Variants in SEMA3C observed in about 807,000 individuals in gnomAD.
SEMA3C encodes the protein semaphorin 3C.
SEMA3C carries 47 observed loss-of-function variants against 89.4 expected under a neutral mutation model. That is an observed-to-expected ratio of 0.53 (90% CI 0.42 to 0.67). The LOEUF (loss-of-function observed/expected upper bound fraction) is 0.67. Among genes scored for constraint, SEMA3C ranks in the 30% least tolerant of loss-of-function variants. The probability of loss-of-function intolerance (pLI) is 0.00; values close to 1 mark genes in which losing one functional copy is unlikely to be tolerated. For missense variants in SEMA3C, 839 were observed against 929.1 expected (o/e 0.90, Z 1.26); for synonymous variants, 310 against 320.2 (o/e 0.97, Z 0.34).
chr7:80,845,228 T>G (rs192689362), intron 2 of SEMA3C, among the ~76,000 whole-genome samples: 149 of 152,234 alleles, frequency 9.8e-4, no homozygotes, highest in African/African-American at 3.5e-3. Flanking sequence ...GACAGGAAAT[T>G]TGGAAATGGG....
intron 4 of SEMA3C, among the ~76,000 whole-genome samples, chr7:80,821,038 A>G (rs1355254071): frequency 6.6e-6 from 1 of 152,222 alleles, no homozygotes; most frequent in Non-Finnish European, 1.5e-5. Flanking sequence ...AATGCCAACT[A>G]TACTCATTTC....
At chr7:80,784,242 CCTG>C (rs1788751480) in intron 12 of SEMA3C, among the ~76,000 whole-genome samples, 2 of 151,152 alleles carry the variant, frequency 1.3e-5, no homozygotes. Context: ...AGAACCCTTG[CCTG>C]CTGTTTTATA....
At chr7:80,824,085 T>C (rs1789816231) in intron 4 of SEMA3C, among the ~76,000 whole-genome samples, 1 of 152,170 alleles carries the variant, frequency 6.6e-6, no homozygotes, top group African/African-American at 2.4e-5. Flanking sequence ...ATAATTGTTA[T>C]CTTGTTATAA....
chr7:80,889,276 G>T, intron 2 of SEMA3C, among the ~76,000 whole-genome samples: 1 of 152,302 alleles, frequency 6.6e-6, no homozygotes, highest in Middle Eastern at 3.4e-3. Flanking sequence ...TATAATAAAT[G>T]TAAAGATTGT....
At chr7:80,795,641 T>G (rs951689072) in intron 11 of SEMA3C, among the ~76,000 whole-genome samples, 2 of 152,196 alleles carry the variant, frequency 1.3e-5, no homozygotes, top group African/African-American at 4.8e-5. Flanking sequence ...TAAAAAGGGT[T>G]TAGTATTCCT....
chr7:80,780,971 G>A (rs1024032760), intron 12 of SEMA3C, among the ~76,000 whole-genome samples: 1 of 151,974 alleles, frequency 6.6e-6, no homozygotes, highest in Non-Finnish European at 1.5e-5. Flanking sequence ...ATTTTGAGAG[G>A]GTTCCTTTCT....
At position 80,802,808 on chromosome 7, in the gene SEMA3C, A is replaced by T. The variant is rs759820444; in HGVS notation, c.802-29T>A. On this transcript the variant is annotated intron_variant, in intron 8 of 17. Transcript: ENST00000265361. Reference sequence around the variant, plus strand: ...AAACCATTTTGTAAACATAATTCAGATTGCTTAAGTAAATATTGAAGCACA... The same window carrying T: ...AAACCATTTTGTAAACATAATTCAGTTTGCTTAAGTAAATATTGAAGCACA... The T allele has an allele frequency of 7.7e-5, 118 of 1,524,640 alleles. 1 individual carries two copies. Among genetic ancestry groups the T allele is most frequent in the Middle Eastern group, 5.1e-4 (3 of 5,882 alleles). 94.4% of individuals were successfully genotyped at this position (1,524,640 alleles called of 1,614,324 possible). A position where few individuals can be genotyped will look rare whatever the true frequency, so the allele number is the denominator to read the frequency against.
chr7:80,800,815 G>C lies in SEMA3C; in HGVS notation c.928C>G (p.Leu310Val). The change falls in exon 10 of 18, where the codon CTG becomes GTG. Residue 310 changes from leucine (L) to valine (V), a missense_variant. Transcript: ENST00000265361. ...THFDELEDVFLLETDNPRTTL... is the reference protein window; with the variant it reads ...THFDELEDVFVLETDNPRTTL... ...GTCCTCGGGTTATCAGTTTCCAGCA[G>C]AAACACATCCTCTATAAAAAGGAAA... 6.6e-7 allele frequency: 1 copy of C among 1,512,368 alleles called. No individual in the cohort carries two copies. The highest frequency in any genetic ancestry group is 2.5e-5 in the Admixed American group (1 of 40,262). 93.7% of individuals were successfully genotyped at this position (1,512,368 alleles called of 1,614,324 possible).
intron 2 of SEMA3C, among the ~76,000 whole-genome samples, chr7:80,872,432 T>C (rs991803191): frequency 1.3e-5 from 2 of 152,072 alleles, no homozygotes; most frequent in Non-Finnish European, 2.9e-5. Context: ...AGATTACAGG[T>C]GTAATCCCAA....
chr7:80,854,539 A>G lies in SEMA3C; in HGVS notation c.104-25794T>C, dbSNP rs946390045. On this transcript the variant is annotated intron_variant, in intron 2 of 17. Coordinates refer to ENST00000265361, the MANE Select transcript of SEMA3C (RefSeq NM_006379.5). ...AGTTGTTAGATCCTGGGTGAGACCA[A>G]GGTTTTTGGGTAGGGCTGAGGTAAT... Among the ~76,000 whole-genome samples, 4 of 152,248 alleles carry G rather than the reference A, an allele frequency of 2.6e-5. No individual in the cohort carries two copies. The South Asian group carries it at 8.3e-4, about 32-fold the overall frequency.
intron 11 of SEMA3C, among the ~76,000 whole-genome samples, chr7:80,792,608 C>T (rs1232381631): frequency 6.6e-6 from 1 of 152,096 alleles, no homozygotes; most frequent in African/African-American, 2.4e-5. Context: ...GTCAAGGTTG[C>T]TCAAAACCAT....
chr7:80,789,090 A>G (rs368844196), intron 12 of SEMA3C, among the ~76,000 whole-genome samples: 1 of 152,058 alleles, frequency 6.6e-6, no homozygotes, highest in East Asian at 1.9e-4. Context: ...ATATATCTCT[A>G]TATATATTCC....
chr7:80,773,844 G>A (rs761219746), intron 12 of SEMA3C, among the ~76,000 whole-genome samples: 3 of 152,164 alleles, frequency 2.0e-5, no homozygotes, highest in Non-Finnish European at 2.9e-5. Context: ...GAGCACCAGA[G>A]GCTTACCAGA....
Position 80,827,408 on chromosome 7 carries a change from T to C in SEMA3C, c.327+17A>G, listed in dbSNP as rs1458579749. On this transcript the variant is annotated intron_variant, in intron 4 of 17. Transcript: ENST00000265361. ...TAAGTTAGTGTTTTTTTTTTTTTTT[T>C]TTTTTTTAACACTTACTGTGGGATC... The C allele has an allele frequency of 6.7e-6, 10 of 1,502,106 alleles. No individual in the cohort carries two copies. In the South Asian group the frequency reaches 1.4e-4, roughly 20 times the overall value. The allele number at this position is 1,502,106 out of a possible 1,614,324, so 93.0% of individuals were successfully genotyped here. A position where few individuals can be genotyped will look rare whatever the true frequency, so the allele number is the denominator to read the frequency against.
chr7:80,769,143 G>A (rs1379917809), intron 12 of SEMA3C, among the ~76,000 whole-genome samples: 2 of 152,124 alleles, frequency 1.3e-5, no homozygotes, highest in African/African-American at 4.8e-5. Context: ...TATACAATGT[G>A]TAATGATCAA....
At chr7:80,868,390 C>A (rs536496918) in intron 2 of SEMA3C, among the ~76,000 whole-genome samples, 2 of 152,248 alleles carry the variant, frequency 1.3e-5, no homozygotes, top group South Asian at 4.1e-4. Context: ...GTCTCAGCCT[C>A]CCGAGTAACT....
At chr7:80,862,882 C>T (rs941683212) in intron 2 of SEMA3C, among the ~76,000 whole-genome samples, 1 of 152,092 alleles carries the variant, frequency 6.6e-6, no homozygotes, top group Admixed American at 6.6e-5. Flanking sequence ...GGATAATTGG[C>T]TAGCCACATG....
intron 2 of SEMA3C, among the ~76,000 whole-genome samples, chr7:80,866,857 A>T (rs1790938173): frequency 6.6e-6 from 1 of 152,248 alleles, no homozygotes; most frequent in Admixed American, 6.5e-5. Context: ...ATAAAAGGTA[A>T]GTTGTTGAGC....
chr7:80,913,338 T>G (rs1792196784), intron 2 of SEMA3C, among the ~76,000 whole-genome samples: 1 of 151,734 alleles, frequency 6.6e-6, no homozygotes, highest in African/African-American at 2.4e-5. Flanking sequence ...GAGGTGGAGG[T>G]TGCAGTGAGC....
Sources: allele counts gnomAD v4.1 joint callset (sites outside exome capture counted in the v4.1 genomes callset), GRCh38; gene constraint gnomAD v4.1.1; transcripts MANE v1.5; gene names NCBI Gene and HGNC (gene_info 2026-07-23, HGNC 2026-07-21).